PDGFRB: variants seen among roughly 807,000 people sequenced by gnomAD.
The protein encoded by PDGFRB is platelet-derived growth factor receptor beta.
A neutral mutation model predicts 120.2 loss-of-function variants in PDGFRB; 42 were observed. The observed-to-expected ratio is 0.35, with a 90% CI of 0.27 to 0.45. The LOEUF is 0.45. PDGFRB is among the 20% of genes least tolerant of loss of function. PDGFRB has a pLI of 1.00. For missense variants in PDGFRB, 1,149 were observed against 1,476.3 expected (o/e 0.78, Z 3.63); for synonymous variants, 586 against 606.8 (o/e 0.97, Z 0.50).
rs41287112 is a variant in PDGFRB, at chr5:150,132,931, C to A, written c.946G>T (p.Val316Leu). 2 of 1,560,472 alleles carry A rather than the reference C, an allele frequency of 1.3e-6. No individual in the cohort carries two copies. The highest frequency in any genetic ancestry group is 1.4e-5 in the African/African-American group (1 of 73,756). ...INITVVESGY[V>L]RLLGEVGTLQ... ...GTGCCCACCTCTCCCAGGAGCCGCA[C>A]GTAGCCGCTCTCTGCAAGGGGTGAC... is the stretch of plus-strand genomic sequence containing the variant. The change falls in exon 7 of 23, where the codon GTG becomes TTG. Residue 316 changes from valine to leucine, a missense_variant. Transcript: ENST00000261799. This position sits in a 1 kb window ranked among gnomAD's most constrained non-coding sequence, Gnocchi z 5.0.
chr5:150,117,030 C>A (rs575195022), intron 22 of PDGFRB, among the ~76,000 whole-genome samples: 3 of 152,214 alleles, frequency 2.0e-5, no homozygotes, highest in African/African-American at 7.2e-5. Flanking sequence ...GGAGATCCTG[C>A]GTGGACATCA....
At chr5:150,146,047 A>T (rs988846328) in intron 1 of PDGFRB, among the ~76,000 whole-genome samples, 1 of 152,060 alleles carries the variant, frequency 6.6e-6, no homozygotes, top group Non-Finnish European at 1.5e-5. Flanking sequence ...GTCTTAGTAC[A>T]TTCCCTCTAT....
chr5:150,149,592 C>G (rs1475264430), intron 1 of PDGFRB, among the ~76,000 whole-genome samples: 1 of 152,194 alleles, frequency 6.6e-6, no homozygotes, highest in Non-Finnish European at 1.5e-5. Context: ...ATTTCACTAT[C>G]CATTCAGCAG....
At chr5:150,129,010 T>C (rs1280282472) in intron 10 of PDGFRB, among the ~76,000 whole-genome samples, 2 of 152,190 alleles carry the variant, frequency 1.3e-5, no homozygotes, top group African/African-American at 4.8e-5. Context: ...AAGACACTGG[T>C]AGGCATTGTT....
intron 22 of PDGFRB, 76 bp downstream of exon 22, chr5:150,117,542 G>GCGCGCA (rs1554107286): frequency 0.015 from 7,024 of 459,696 alleles, 54 homozygotes; most frequent in South Asian, 0.038. Context: ...GCGCGCGCGC[G>GCGCGCA]CGCACACACA....
chr5:150,138,726 G>A (rs1259030919), intron 1 of PDGFRB, among the ~76,000 whole-genome samples: 2 of 152,210 alleles, frequency 1.3e-5, no homozygotes, highest in African/African-American at 4.8e-5. Context: ...CCTTGGTCAG[G>A]AGGGAGCAGC....
In PDGFRB at chr5:150,119,535, G is replaced by A. The variant is rs745881648; in HGVS notation, c.2730C>T (p.Asn910=). The change falls in exon 20 of 23, where the codon AAC becomes AAT. Residue 910 remains asparagine, a synonymous_variant. Transcript: ENST00000261799. ...GTTTGATGGCATTGTAGAACTGCTCGTTCATGGGCAGCTCTGGGTAAGGGG... is the reference window on the plus strand; with the variant it reads ...GTTTGATGGCATTGTAGAACTGCTCATTCATGGGCAGCTCTGGGTAAGGGG... The part of the protein sequence containing the change: ...GGTPYPELPM[N]EQFYNAIKRG... 1.6e-5 allele frequency: 25 copies of A among 1,612,596 alleles called. No homozygotes were observed. Among genetic ancestry groups the A allele is most frequent in the East Asian group, 4.5e-5 (2 of 44,892 alleles).
intron 10 of PDGFRB, among the ~76,000 whole-genome samples, chr5:150,127,833 T>TA (rs56899708): frequency 0.045 from 2,813 of 62,358 alleles, 319 homozygotes; most frequent in East Asian, 0.18. Context: ...GACTCCATCT[T>TA]AAAAAAAAAA....
chr5:150,119,926 C>G, intron 19 of PDGFRB, 86 bp downstream of exon 19: 1 of 783,138 alleles, frequency 1.3e-6, no homozygotes, highest in South Asian at 1.4e-5. Context: ...AGGGCTCGTC[C>G]CATAGCCCCA....
At position 150,124,283 on chromosome 5, in the gene PDGFRB, C is replaced by G. The variant is rs770122404; in HGVS notation, c.1990G>C (p.Val664Leu). The change falls in exon 14 of 23, where the codon GTG becomes CTG. Residue 664 changes from valine to leucine, a missense_variant. By Grantham distance (32) the Val-to-Leu change is conservative (BLOSUM62 1). This residue lies in a region of PDGFRB where 879 missense variants were observed against 1,108.6 expected (regional missense o/e 0.79). Transcript: ENST00000261799. ...GTGCAGGCCCCCAACAGGTTGACCA[C>G]GTTCAGGTGGGGCCCAAGGTGACTC... The part of the protein sequence containing the change: ...IMSHLGPHLN[V>L]VNLLGACTKG... 1 of 1,613,922 alleles carries G rather than the reference C, an allele frequency of 6.2e-7. No individual in the cohort carries two copies. Among genetic ancestry groups the G allele is most frequent in the East Asian group, 2.2e-5 (1 of 44,884 alleles).
chr5:150,153,583 A>G (rs1761140991), intron 1 of PDGFRB: 2 of 152,188 alleles, frequency 1.3e-5, no homozygotes, highest in South Asian at 2.1e-4. Flanking sequence ...AAAACTTGCC[A>G]TGAGGACTCC....
chr5:150,138,745 G>T (rs528906452), intron 1 of PDGFRB, among the ~76,000 whole-genome samples: 1 of 152,354 alleles, frequency 6.6e-6, no homozygotes, highest in Non-Finnish European at 1.5e-5. Context: ...GCGCCAAGGC[G>T]GAGCCAGCAG....
rs1760297591 is a variant in PDGFRB at position 150,126,498 on chromosome 5, A to G, written c.1674+22T>C. The G allele has an allele frequency of 3.1e-6, 4 of 1,307,236 alleles. No homozygotes were observed. The East Asian group carries it at 9.2e-5, about 30-fold the overall frequency. The allele number at this position is 1,307,236 out of a possible 1,614,324, so 81.0% of individuals were successfully genotyped here. A position where few individuals can be genotyped will look rare whatever the true frequency, so the allele number is the denominator to read the frequency against. On this transcript the variant is annotated intron_variant, in intron 11 of 22. Transcript: ENST00000261799. ...AATAATGATGTGCCAGTCTTCACCC[A>G]CTGGGCCAGGGAGGGGCTTACCTTC...
intron 1 of PDGFRB, among the ~76,000 whole-genome samples, chr5:150,138,051 T>C (rs1760687088): frequency 6.6e-6 from 1 of 151,552 alleles, no homozygotes; most frequent in African/African-American, 2.4e-5. Flanking sequence ...AGAGACAGAC[T>C]GAATGGGGTG....
chr5:150,154,997 T>C (rs966744435), intron 1 of PDGFRB, among the ~76,000 whole-genome samples: 2 of 152,212 alleles, frequency 1.3e-5, no homozygotes, highest in African/African-American at 4.8e-5. Flanking sequence ...GAACAGCGGC[T>C]ATGGTCCTGA....
At position 150,155,639 on chromosome 5, in the gene PDGFRB, A is replaced by G. The variant is rs2113939628; in HGVS notation, c.-249T>C. On this transcript the variant is annotated 5_prime_UTR_variant, in exon 1 of 23. Transcript: ENST00000261799. ...GCGGCCCAGCTTCGCCTCACTCCCCAAGCATCCTTCGGGAGGAGCAGAGCC... is the reference window on the plus strand; with the variant it reads ...GCGGCCCAGCTTCGCCTCACTCCCCGAGCATCCTTCGGGAGGAGCAGAGCC... The G allele has an allele frequency of 5.0e-6, 2 of 398,706 alleles. No homozygotes were observed. The highest frequency in any genetic ancestry group is 7.1e-5 in the East Asian group (2 of 28,062). The allele number at this position is 398,706 out of a possible 1,614,324, so 24.7% of individuals were successfully genotyped here.
chr5:150,124,395 C>A (rs866018315), intron 13 of PDGFRB, 35 bp from the exon 14 acceptor site: 1 of 1,484,656 alleles, frequency 6.7e-7, no homozygotes, highest in South Asian at 1.1e-5. Context: ...CAGGCCCAGT[C>A]ATGGAGGCTC....
At chr5:150,126,778 C>G (rs1760306345) in intron 10 of PDGFRB, among the ~76,000 whole-genome samples, 164 bp from the exon 11 acceptor site, 1 of 152,216 alleles carries the variant, frequency 6.6e-6, no homozygotes, top group Admixed American at 6.5e-5. Flanking sequence ...CGCTCTAGGC[C>G]ACACGTTCAG....
chr5:150,131,544 A>T (rs1390502623), intron 8 of PDGFRB, among the ~76,000 whole-genome samples: 1 of 152,062 alleles, frequency 6.6e-6, no homozygotes, highest in Non-Finnish European at 1.5e-5. Flanking sequence ...CTTCTAACCT[A>T]TGTAATTTGC....
Sources: allele counts gnomAD v4.1 joint callset (sites outside exome capture counted in the v4.1 genomes callset), GRCh38; gene constraint gnomAD v4.1.1; regional missense constraint gnomAD v4.1.1; non-coding constraint Gnocchi (gnomAD v3.1); transcripts MANE v1.5; gene names NCBI Gene and HGNC (gene_info 2026-07-23, HGNC 2026-07-21).